The following IL20RA variants were observed in gnomAD, a reference collection of about 807,000 sequenced individuals.
IL20RA encodes the protein interleukin 20 receptor subunit alpha.
IL20RA carries 29 observed loss-of-function variants against 36.5 expected under a neutral mutation model. The observed-to-expected ratio is 0.79, with a 90% CI of 0.59 to 1.08. The LOEUF (loss-of-function observed/expected upper bound fraction) is 1.08, where lower values mean the gene tolerates loss of function less well. Among genes scored for constraint, IL20RA ranks in the 50% least tolerant of loss-of-function variants. The probability of loss-of-function intolerance (pLI) is 0.00; values close to 1 mark genes in which losing one functional copy is unlikely to be tolerated. For missense variants in IL20RA, 652 were observed against 668.4 expected, an observed-to-expected ratio of 0.98 and a Z score of 0.27; for synonymous variants, 279 against 267.1, an observed-to-expected ratio of 1.04 and a Z score of -0.43.
Position 137,044,860 on chromosome 6 carries a change from T to A in IL20RA, c.-132A>T. The A allele has an allele frequency of 2.4e-6, 2 of 841,592 alleles. No individual in the cohort carries two copies. The highest frequency in any genetic ancestry group is 3.1e-6 in the Non-Finnish European group (2 of 645,070). The allele number at this position is 841,592 out of a possible 1,614,324, so 52.1% of individuals were successfully genotyped here. Reference sequence around the variant, plus strand: ...CGTGCCACGCTCCAGGCGACCTGAGTCCCAGGGCGCCTCCGCCACAGCCGC... The same window carrying A: ...CGTGCCACGCTCCAGGCGACCTGAGACCCAGGGCGCCTCCGCCACAGCCGC... On this transcript the variant is annotated 5_prime_UTR_variant, in exon 1 of 7. Transcript: ENST00000316649.
In IL20RA at chr6:137,044,808, G is replaced by A. The variant is rs1012704083; in HGVS notation, c.-80C>T. The A allele has an allele frequency of 4.2e-6, 5 of 1,186,188 alleles. No homozygotes were observed. Among genetic ancestry groups the A allele is most frequent in the Admixed American group, 8.9e-5 (2 of 22,554 alleles). 73.5% of individuals were successfully genotyped at this position (1,186,188 alleles called of 1,614,324 possible). On this transcript the variant is annotated 5_prime_UTR_variant, in exon 1 of 7. Transcript: ENST00000316649. ...CCGCTGGGGCCAAGCGCGGCCGCGCGGCCTCAGCTCCGCGCCTGGGGCTCT... is the reference window on the plus strand; with the variant it reads ...CCGCTGGGGCCAAGCGCGGCCGCGCAGCCTCAGCTCCGCGCCTGGGGCTCT...
chr6:137,009,834 G>A (rs1235898992), intron 3 of IL20RA, among the ~76,000 whole-genome samples: 1 of 151,958 alleles, frequency 6.6e-6, no homozygotes, highest in African/African-American at 2.4e-5. Flanking sequence ...TCGAACTCCT[G>A]ATCCTGTGAT....
rs1250195390 is a variant in IL20RA, at chr6:137,002,270, G to C, written c.950C>G (p.Ser317Trp). ...CTGATGAGAAATTTTAGAATCATCCGAGATATTGAGGGTGATAAAGTTAAT... is the reference window on the plus strand; with the variant it reads ...CTGATGAGAAATTTTAGAATCATCCCAGATATTGAGGGTGATAAAGTTAAT... ...IVINFITLNISDDSKISHQDM... is the reference protein window; with the variant it reads ...IVINFITLNIWDDSKISHQDM... Residue 317 changes from serine (S) to tryptophan (W), a missense_variant, in exon 7 of 7, where the codon TCG becomes TGG. Transcript: ENST00000316649. 3 of 1,613,198 alleles carry C rather than the reference G, an allele frequency of 1.9e-6. No individual in the cohort carries two copies. The highest frequency in any genetic ancestry group is 2.5e-6 in the Non-Finnish European group (3 of 1,179,370).
chr6:137,037,676 A>C (rs1776536359), intron 1 of IL20RA, among the ~76,000 whole-genome samples: 1 of 152,174 alleles, frequency 6.6e-6, no homozygotes, highest in African/African-American at 2.4e-5. Flanking sequence ...CAGTCTCATC[A>C]TGATCTATAG....
Position 137,044,694 on chromosome 6 carries a change from A to AGCGGCC in IL20RA, c.29_34dup (p.Arg10_Pro11dup), listed in dbSNP as rs1776841455. On this transcript the variant is annotated inframe_insertion, in exon 1 of 7. Coordinates refer to ENST00000316649, the MANE Select transcript of IL20RA (RefSeq NM_014432.4). Reference sequence around the variant, plus strand: ...CAACAGCAGCAGCGGCGGCAGCGGCAGCGGCCGCAGGGCCGGGCGGCCGGG... The same window carrying AGCGGCC: ...CAACAGCAGCAGCGGCGGCAGCGGCAGCGGCCGCGGCCGCAGGGCCGGGCGGCCGGG... 7.4e-6 allele frequency: 9 copies of AGCGGCC among 1,222,916 alleles called. No individual in the cohort carries two copies. The highest frequency in any genetic ancestry group is 9.2e-6 in the Non-Finnish European group (9 of 982,770). 75.8% of individuals were successfully genotyped at this position (1,222,916 alleles called of 1,614,324 possible).
chr6:137,001,595 A>G lies in IL20RA; in HGVS notation c.1625T>C (p.Met542Thr), dbSNP rs1775034422. 1.3e-6 allele frequency: 2 copies of G among 1,594,606 alleles called. No homozygotes were observed. Among genetic ancestry groups the G allele is most frequent in the Non-Finnish European group, 1.7e-6 (2 of 1,170,444 alleles). The change falls in exon 7 of 7, where the codon ATG becomes ACG. Residue 542 changes from methionine to threonine, a missense_variant. Physicochemically the swap from Met to Thr is moderately conservative, Grantham distance 81 (BLOSUM62 -1). Transcript: ENST00000316649. The part of the protein sequence containing the change: ...GENETYLMQF[M>T]EEWGLYVQME... Reference sequence around the variant, plus strand: ...CTGCACATATAACCCCCATTCCTCCATGAATTGCATGAGATAGGTTTCATT... The same window carrying G: ...CTGCACATATAACCCCCATTCCTCCGTGAATTGCATGAGATAGGTTTCATT...
intron 1 of IL20RA, among the ~76,000 whole-genome samples, chr6:137,020,518 A>G (rs938749809): frequency 1.3e-4 from 20 of 151,004 alleles, no homozygotes; most frequent in African/African-American, 3.6e-4. Context: ...TCCATTCCCA[A>G]TAATTTAATA....
At chr6:137,012,791 TG>T (rs1562232908) in intron 2 of IL20RA, among the ~76,000 whole-genome samples, 3 of 152,216 alleles carry the variant, frequency 2.0e-5, no homozygotes. Context: ...AAAGAGGATA[TG>T]TCCATGTATT....
At chr6:137,012,837 A>T (rs1775547299) in intron 2 of IL20RA, among the ~76,000 whole-genome samples, 1 of 152,216 alleles carries the variant, frequency 6.6e-6, no homozygotes, top group African/African-American at 2.4e-5. Flanking sequence ...TTTTCAGAAT[A>T]TGGCAACAGA....
rs1776809510 is a variant in IL20RA, at chr6:137,044,104, C to A, written c.88+537G>T. 4 of 985,426 alleles carry A rather than the reference C, an allele frequency of 4.1e-6. No homozygotes were observed. The African/African-American group carries it at 7.0e-5, about 17-fold the overall frequency. 61.0% of individuals were successfully genotyped at this position (985,426 alleles called of 1,614,324 possible). ...AGGGGGAGCTTACTTTAAGAAGCTG[C>A]GTCTTTCTGGATCATGTTCCTTCGG... On this transcript the variant is annotated intron_variant, in intron 1 of 6. Coordinates refer to ENST00000316649, the MANE Select transcript of IL20RA (RefSeq NM_014432.4).
At chr6:137,038,633 C>T (rs906699363) in intron 1 of IL20RA, among the ~76,000 whole-genome samples, 13 of 152,036 alleles carry the variant, frequency 8.6e-5, no homozygotes, top group Non-Finnish European at 1.3e-4. Flanking sequence ...CAGAACATCA[C>T]GATGATAGCA....
intron 1 of IL20RA, among the ~76,000 whole-genome samples, chr6:137,043,473 A>G (rs1269991790): frequency 1.3e-5 from 2 of 152,206 alleles, no homozygotes; most frequent in African/African-American, 4.8e-5. Flanking sequence ...TTTGCACGTC[A>G]GTCGTTTCTT....
In IL20RA at chr6:137,044,682, GGCGGCA is replaced by G. The variant is rs1261851909; in HGVS notation, c.41_46del (p.Leu14_Pro15del). ...CGCCGCCAGGAGCAACAGCAGCAGC[GGCGGCA>G]GCGGCAGCGGCCGCAGGGCCGGGCG... On this transcript the variant is annotated inframe_deletion, in exon 1 of 7. Transcript: ENST00000316649. The G allele has an allele frequency of 1.6e-6, 2 of 1,223,966 alleles. No individual in the cohort carries two copies. Among genetic ancestry groups the G allele is most frequent in the Non-Finnish European group, 2.0e-6 (2 of 984,218 alleles). The allele number at this position is 1,223,966 out of a possible 1,614,324, so 75.8% of individuals were successfully genotyped here.
intron 1 of IL20RA, among the ~76,000 whole-genome samples, chr6:137,041,312 C>T (rs371725397): frequency 4.1e-4 from 62 of 152,240 alleles, no homozygotes; most frequent in African/African-American, 1.4e-3. Flanking sequence ...GGGTGATACT[C>T]CAGCAAGGTC....
Position 137,044,698 on chromosome 6 carries a change from G to A in IL20RA, c.31C>T (p.Pro11Ser), listed in dbSNP as rs1253041633. The A allele has an allele frequency of 8.2e-6, 10 of 1,222,772 alleles. No homozygotes were observed. The East Asian group carries it at 1.3e-4, about 16-fold the overall frequency. The allele number at this position is 1,222,772 out of a possible 1,614,324, so 75.7% of individuals were successfully genotyped here. A position where few individuals can be genotyped will look rare whatever the true frequency, so the allele number is the denominator to read the frequency against. Residue 11 changes from proline to serine, a missense_variant, in exon 1 of 7, where the codon CCG becomes TCG. By Grantham distance (74) the Pro-to-Ser change is moderately conservative (BLOSUM62 -1). Transcript: ENST00000316649. The part of the protein sequence containing the change: MRAPGRPALR[P>S]LPLPPLLLLL... Reference sequence around the variant, plus strand: ...AGCAGCAGCGGCGGCAGCGGCAGCGGCCGCAGGGCCGGGCGGCCGGGAGCC... The same window carrying A: ...AGCAGCAGCGGCGGCAGCGGCAGCGACCGCAGGGCCGGGCGGCCGGGAGCC...
chr6:137,028,870 C>T (rs1000312850), intron 1 of IL20RA, among the ~76,000 whole-genome samples: 2 of 151,828 alleles, frequency 1.3e-5, no homozygotes, highest in Admixed American at 1.3e-4. Context: ...AAAATTCAAT[C>T]TCATTTTTTA....
At chr6:137,016,875 C>T (rs1374796925) in intron 2 of IL20RA, 93 bp downstream of exon 2, 1 of 1,156,008 alleles carries the variant, frequency 8.7e-7, no homozygotes, top group Non-Finnish European at 1.3e-6. Flanking sequence ...TTTTCAAACA[C>T]ATTTAATACC....
At chr6:137,030,021 C>A (rs1264253442) in intron 1 of IL20RA, among the ~76,000 whole-genome samples, 3 of 112,678 alleles carry the variant, frequency 2.7e-5, no homozygotes, top group Non-Finnish European at 5.5e-5. Flanking sequence ...AATAGAGATT[C>A]TTTCATTTTC....
intron 5 of IL20RA, among the ~76,000 whole-genome samples, chr6:137,006,151 T>G (rs1239604945): frequency 6.6e-6 from 1 of 152,298 alleles, no homozygotes; most frequent in East Asian, 1.9e-4. Context: ...TCTTGATGCT[T>G]GGGCCCAAGA....
Sources: allele counts gnomAD v4.1 joint callset (sites outside exome capture counted in the v4.1 genomes callset), GRCh38; gene constraint gnomAD v4.1.1; transcripts MANE v1.5; gene names NCBI Gene and HGNC (gene_info 2026-07-23, HGNC 2026-07-21).